NOS1AP: variants seen among roughly 807,000 people sequenced by gnomAD.
NOS1AP encodes the protein carboxyl-terminal PDZ ligand of neuronal nitric oxide synthase protein.
A neutral mutation model predicts 56.2 loss-of-function variants in NOS1AP; 21 were observed. The observed-to-expected ratio is 0.37, with a 90% CI of 0.26 to 0.54. The LOEUF is 0.54. Ranked by LOEUF, NOS1AP falls within the 20% of genes least tolerant of loss-of-function variation. The probability of loss-of-function intolerance (pLI) is 0.84; values close to 1 mark genes in which losing one functional copy is unlikely to be tolerated. For synonymous variants in NOS1AP, 270 were observed against 274.6 expected, an observed-to-expected ratio of 0.98 and a Z score of 0.17; for missense variants, 522 against 657.8, an observed-to-expected ratio of 0.79 and a Z score of 2.26.
chr1:162,350,550 C>T (rs1042210653), intron 6 of NOS1AP, among the ~76,000 whole-genome samples: 1 of 152,192 alleles, frequency 6.6e-6, no homozygotes, highest in African/African-American at 2.4e-5. Context: ...TGGGTGAGAC[C>T]CTGTTCCCCT....
At position 162,098,497 on chromosome 1, in the gene NOS1AP, T is replaced by C. The variant is rs1291736577; in HGVS notation, c.105+28215T>C. On this transcript the variant is annotated intron_variant, in intron 1 of 9. Coordinates refer to ENST00000361897, the MANE Select transcript of NOS1AP (RefSeq NM_014697.3). Reference sequence around the variant, plus strand: ...TGTTTGGTACAATTAACGGTGTCGTTTTTTTTTTTTCTCTAACTTTTATTT... The same window carrying C: ...TGTTTGGTACAATTAACGGTGTCGTCTTTTTTTTTTCTCTAACTTTTATTT... Among the ~76,000 whole-genome samples, 53 of 23,832 alleles carry C rather than the reference T, an allele frequency of 2.2e-3. 1 individual carries two copies. The highest frequency in any genetic ancestry group is 5.8e-3 in the African/African-American group (44 of 7,600). 15.6% of individuals were successfully genotyped at this position (23,832 alleles called of 152,430 possible). A position where few individuals can be genotyped will look rare whatever the true frequency, so the allele number is the denominator to read the frequency against.
chr1:162,115,857 G>A lies in NOS1AP; in HGVS notation c.106-38548G>A, dbSNP rs188589528. 1.2e-3 allele frequency among the ~76,000 whole-genome samples: 183 copies of A among 152,322 alleles called. 4 individuals carry two copies. The highest frequency in any genetic ancestry group is 0.011 in the Admixed American group (169 of 15,302). On this transcript the variant is annotated intron_variant, in intron 1 of 9. Transcript: ENST00000361897. Reference sequence around the variant, plus strand: ...TTAAAAGAAACCAACTTATTACCAAGATTGTCAGTTGATCAGATATTTATG... The same window carrying A: ...TTAAAAGAAACCAACTTATTACCAAAATTGTCAGTTGATCAGATATTTATG...
intron 1 of NOS1AP, among the ~76,000 whole-genome samples, chr1:162,071,923 G>T (rs1321857010): frequency 6.6e-6 from 1 of 152,162 alleles, no homozygotes; most frequent in Non-Finnish European, 1.5e-5. Context: ...GGCTAAGCAT[G>T]GTGGCTATTG....
intron 2 of NOS1AP, among the ~76,000 whole-genome samples, chr1:162,232,240 A>C (rs1653145133): frequency 1.3e-5 from 2 of 152,196 alleles, no homozygotes; most frequent in Non-Finnish European, 2.9e-5. Context: ...CATGACTGGG[A>C]GTCCTCGAGG....
rs1025809414 is a variant in NOS1AP at position 162,364,130 on chromosome 1, C to T, written c.940-1274C>T. 4.1e-6 allele frequency: 4 copies of T among 985,278 alleles called. No individual in the cohort carries two copies. In the African/African-American group the frequency reaches 5.2e-5, roughly 13 times the overall value. 61.0% of individuals were successfully genotyped at this position (985,278 alleles called of 1,614,324 possible). A position where few individuals can be genotyped will look rare whatever the true frequency, so the allele number is the denominator to read the frequency against. Reference sequence around the variant, plus strand: ...TAAAAAAATGTGAATCTCTTTGGAGCAAACTCCTCTTCAGAAATTTGAGCA... The same window carrying T: ...TAAAAAAATGTGAATCTCTTTGGAGTAAACTCCTCTTCAGAAATTTGAGCA... On this transcript the variant is annotated intron_variant, in intron 8 of 9. Transcript: ENST00000361897.
intron 1 of NOS1AP, among the ~76,000 whole-genome samples, chr1:162,076,391 A>C (rs1691768300): frequency 6.6e-6 from 1 of 152,160 alleles, no homozygotes; most frequent in Non-Finnish European, 1.5e-5. Context: ...TCCTTTGCTC[A>C]TTTAAAAGTT....
In NOS1AP at chr1:162,367,258, G is replaced by C. The variant is rs1209023824; in HGVS notation, c.1312G>C (p.Asp438His). The change falls in exon 10 of 10, where the codon GAC becomes CAC. Residue 438 changes from aspartate (D) to histidine (H), a missense_variant. By Grantham distance (81) the Asp-to-His change is moderately conservative. Transcript: ENST00000361897. The surrounding 1 kb of genome is among the most constrained non-coding windows in gnomAD (Gnocchi z 6.5). ...LECFRFLPPEDTPPPAQGEAL... is the reference protein window; with the variant it reads ...LECFRFLPPEHTPPPAQGEAL... ...GTGCTTTCGCTTTCTTCCGCCCGAG[G>C]ACACCCCGCCCCCAGCGCAGGGCGA... The C allele has an allele frequency of 6.2e-7, 1 of 1,613,604 alleles. No homozygotes were observed. Among genetic ancestry groups the C allele is most frequent in the East Asian group, 2.2e-5 (1 of 44,888 alleles).
chr1:162,219,664 C>T (rs942931253), intron 2 of NOS1AP, among the ~76,000 whole-genome samples: 1 of 152,206 alleles, frequency 6.6e-6, no homozygotes, highest in Admixed American at 6.5e-5. Flanking sequence ...GTTGCCCCCA[C>T]CAGGGTTCTA....
chr1:162,214,894 A>G (rs2101650843), intron 2 of NOS1AP, among the ~76,000 whole-genome samples: 1 of 152,288 alleles, frequency 6.6e-6, no homozygotes, highest in South Asian at 2.1e-4. Context: ...GCTCAGAGTT[A>G]CTAATTTACC....
chr1:162,190,299 C>T (rs1220769753), intron 2 of NOS1AP, among the ~76,000 whole-genome samples: 1 of 152,140 alleles, frequency 6.6e-6, no homozygotes, highest in African/African-American at 2.4e-5. Flanking sequence ...CTGTCCTTCC[C>T]TGCTTGAATG....
intron 2 of NOS1AP, among the ~76,000 whole-genome samples, chr1:162,212,190 G>A (rs939477428): frequency 2.0e-5 from 3 of 152,170 alleles, no homozygotes; most frequent in East Asian, 1.9e-4. Context: ...ACAGCTCATC[G>A]TGTGGCCCCC....
At chr1:162,175,699 G>A (rs573850537) in intron 2 of NOS1AP, among the ~76,000 whole-genome samples, 2 of 152,266 alleles carry the variant, frequency 1.3e-5, no homozygotes, top group South Asian at 2.1e-4. Flanking sequence ...TGAAATACGT[G>A]TGTATGCTAC....
intron 2 of NOS1AP, among the ~76,000 whole-genome samples, chr1:162,193,645 GT>G (rs140975935): frequency 0.02 from 2,995 of 152,238 alleles, 102 homozygotes; most frequent in African/African-American, 0.068. Context: ...GTTTCCATCT[GT>G]ATTTAGTTGG....
intron 2 of NOS1AP, among the ~76,000 whole-genome samples, chr1:162,186,875 G>A (rs1040043967): frequency 1.3e-5 from 2 of 152,210 alleles, no homozygotes; most frequent in Non-Finnish European, 2.9e-5. Flanking sequence ...TTTTCAGATT[G>A]TAATTGTTGC....
At chr1:162,321,642 A>G (rs1385949322) in intron 4 of NOS1AP, among the ~76,000 whole-genome samples, 2 of 151,666 alleles carry the variant, frequency 1.3e-5, no homozygotes, top group Non-Finnish European at 2.9e-5. Flanking sequence ...TGGGTGCAGC[A>G]CACCAACATG....
At chr1:162,303,412 G>T (rs1265856125) in intron 4 of NOS1AP, among the ~76,000 whole-genome samples, 1 of 152,014 alleles carries the variant, frequency 6.6e-6, no homozygotes, top group Non-Finnish European at 1.5e-5. Flanking sequence ...GATTTAATTT[G>T]CATTTTCATA....
intron 2 of NOS1AP, among the ~76,000 whole-genome samples, chr1:162,235,932 T>A (rs1435510478): frequency 6.6e-6 from 1 of 152,208 alleles, no homozygotes; most frequent in Non-Finnish European, 1.5e-5. Context: ...ATAGACATCA[T>A]CTGGTTTCAT....
chr1:162,191,209 C>T (rs751042203), intron 2 of NOS1AP, among the ~76,000 whole-genome samples: 2 of 152,284 alleles, frequency 1.3e-5, no homozygotes, highest in South Asian at 2.1e-4. Flanking sequence ...CCCCATACCA[C>T]GGGCACTGTC....
At chr1:162,157,666 C>T (rs1227522891) in intron 2 of NOS1AP, among the ~76,000 whole-genome samples, 6 of 152,200 alleles carry the variant, frequency 3.9e-5, no homozygotes, top group South Asian at 2.1e-4. Context: ...AGATGTCAAC[C>T]TCCCTGATCC....
Sources: allele counts gnomAD v4.1 joint callset (sites outside exome capture counted in the v4.1 genomes callset), GRCh38; gene constraint gnomAD v4.1.1; non-coding constraint Gnocchi (gnomAD v3.1); transcripts MANE v1.5; gene names NCBI Gene and HGNC (gene_info 2026-07-23, HGNC 2026-07-21).